CELF2: variants seen among roughly 807,000 people sequenced by gnomAD.
The protein encoded by CELF2 is CUGBP Elav-like family member 2.
In CELF2, 8 loss-of-function variants were observed where a neutral mutation model predicts 62.6. That is an observed-to-expected ratio of 0.13 (90% confidence interval 0.07 to 0.23). The LOEUF is 0.23. CELF2 is among the 10% of genes least tolerant of loss of function. CELF2 has a pLI of 1.00. For synonymous variants in CELF2, 258 were observed against 250.0 expected (o/e 1.03, Z -0.30); for missense variants, 333 against 671.0 (o/e 0.50, Z 5.56).
At chr10:10,730,733 G>A in the CELF2 span, among the ~76,000 whole-genome samples, 1 of 152,128 alleles carries the variant, frequency 6.6e-6, no homozygotes, top group Non-Finnish European at 1.5e-5. Flanking sequence ...TGGATGAGGG[G>A]GACCACATGG....
the CELF2 span, among the ~76,000 whole-genome samples, chr10:10,726,941 G>A: frequency 6.6e-6 from 1 of 152,158 alleles, no homozygotes; most frequent in Admixed American, 6.5e-5. Context: ...GACTCATGGC[G>A]GAAGGCAAAG....
intron 1 of CELF2, among the ~76,000 whole-genome samples, chr10:11,028,026 G>A (rs185086201): frequency 2.6e-5 from 4 of 152,108 alleles, no homozygotes; most frequent in East Asian, 1.9e-4. Context: ...TTTCTTCTTC[G>A]GAACTTTCAT....
At chr10:10,865,592 A>T (rs2060304176) in intron 1 of CELF2, among the ~76,000 whole-genome samples, 1 of 152,202 alleles carries the variant, frequency 6.6e-6, no homozygotes, top group Non-Finnish European at 1.5e-5. Flanking sequence ...ACAGTTCATT[A>T]TACTAAGTAA....
At chr10:10,778,757 T>C in the CELF2 span, among the ~76,000 whole-genome samples, 2 of 152,306 alleles carry the variant, frequency 1.3e-5, no homozygotes, top group East Asian at 3.9e-4. Flanking sequence ...AATTAAGAAC[T>C]CTGAGAATCT....
the CELF2 span, among the ~76,000 whole-genome samples, chr10:10,603,495 T>A: frequency 6.6e-6 from 1 of 152,176 alleles, no homozygotes. Context: ...TGGGAAGCAT[T>A]GCAATCTAAA....
At chr10:11,051,477 A>C (rs1365951361) in intron 1 of CELF2, among the ~76,000 whole-genome samples, 1 of 152,226 alleles carries the variant, frequency 6.6e-6, no homozygotes, top group Non-Finnish European at 1.5e-5. Flanking sequence ...CTGTACCAAC[A>C]ACCTAAACAG....
chr10:10,566,337 T>G, the CELF2 span, among the ~76,000 whole-genome samples: 1 of 151,056 alleles, frequency 6.6e-6, no homozygotes, highest in Admixed American at 6.6e-5. Flanking sequence ...CAGTTGCCAG[T>G]GATTGTGCTG....
rs776110924 is a variant in CELF2, at chr10:11,005,343, G to A, written c.-45G>A. ...CAGCGACTGTGGCATTGATGTTTGA[G>A]CATACTTCTGAACTGGCTTTTGTTG... is the stretch of plus-strand genomic sequence containing the variant. On this transcript the variant is annotated 5_prime_UTR_variant, in exon 1 of 13. Coordinates refer to the CELF2 transcript ENST00000416382. The surrounding 1 kb of genome is among the most constrained non-coding windows in gnomAD (Gnocchi z 4.3). 1.9e-5 allele frequency: 30 copies of A among 1,613,160 alleles called. 1 individual carries two copies. The highest frequency in any genetic ancestry group is 1.6e-4 in the Middle Eastern group (1 of 6,080).
chr10:10,780,732 G>T, the CELF2 span, among the ~76,000 whole-genome samples: 1 of 152,172 alleles, frequency 6.6e-6, no homozygotes, highest in Admixed American at 6.5e-5. Flanking sequence ...ACCTGCTTTG[G>T]CTTCCCAAAG....
chr10:10,692,449 T>A, the CELF2 span, among the ~76,000 whole-genome samples: 1 of 148,176 alleles, frequency 6.7e-6, no homozygotes. Flanking sequence ...GTGTGATGCC[T>A]CCAGCTTTGT....
intron 1 of CELF2, among the ~76,000 whole-genome samples, chr10:11,083,507 A>G (rs927069733): frequency 2.6e-5 from 4 of 152,210 alleles, no homozygotes; most frequent in Admixed American, 2.0e-4. Flanking sequence ...CCTATCAAGG[A>G]TGGAAAATAG....
Position 11,145,340 on chromosome 10 carries a change from G to A in CELF2, c.75-20146G>A, listed in dbSNP as rs1473902884. ...AGCTGGCTGAGCTTCAGATGGGTTTGCAGGAGTGTCAGGATTCAGGAGCGT... is the reference window on the plus strand; with the variant it reads ...AGCTGGCTGAGCTTCAGATGGGTTTACAGGAGTGTCAGGATTCAGGAGCGT... On this transcript the variant is annotated intron_variant, in intron 1 of 12. Transcript: ENST00000633077. The surrounding 1 kb of genome is among the most constrained non-coding windows in gnomAD (Gnocchi z 4.3). Among the ~76,000 whole-genome samples, 1 of 152,210 alleles carries A rather than the reference G, an allele frequency of 6.6e-6. No homozygotes were observed. Among genetic ancestry groups the A allele is most frequent in the African/African-American group, 2.4e-5 (1 of 41,460 alleles).
intron 8 of CELF2, among the ~76,000 whole-genome samples, chr10:11,281,006 G>A (rs1230818748): frequency 6.6e-6 from 1 of 151,220 alleles, no homozygotes; most frequent in Non-Finnish European, 1.5e-5. Flanking sequence ...GTGTGTGTGT[G>A]TGTGTGTGTG....
At chr10:10,769,644 G>T in the CELF2 span, among the ~76,000 whole-genome samples, 1 of 152,002 alleles carries the variant, frequency 6.6e-6, no homozygotes, top group Admixed American at 6.6e-5. Context: ...CATGACTGTA[G>T]TCCCAGATAC....
the CELF2 span, among the ~76,000 whole-genome samples, chr10:10,709,405 T>C: frequency 2.0e-4 from 30 of 152,342 alleles, no homozygotes; most frequent in Non-Finnish European, 3.7e-4. Flanking sequence ...TTTTTGTTGT[T>C]ATTTTTTAAT....
intron 2 of CELF2, among the ~76,000 whole-genome samples, chr10:10,979,733 C>G (rs1014229873): frequency 8.1e-5 from 12 of 148,892 alleles, no homozygotes; most frequent in Non-Finnish European, 1.3e-4. Context: ...TTACAAAGGA[C>G]TTTATCTAAG....
intron 4 of CELF2, among the ~76,000 whole-genome samples, chr10:11,251,468 G>GC (rs930041430): frequency 1.3e-5 from 2 of 151,798 alleles, no homozygotes; most frequent in African/African-American, 4.9e-5. Context: ...ACTGTCATGG[G>GC]CACACCCAAT....
chr10:10,786,037 T>A, the CELF2 span, among the ~76,000 whole-genome samples: 14 of 151,992 alleles, frequency 9.2e-5, no homozygotes, highest in South Asian at 8.3e-4. Flanking sequence ...AAAACTAATT[T>A]AAAAAAAATG....
the CELF2 span, among the ~76,000 whole-genome samples, chr10:10,544,495 T>C: frequency 6.6e-6 from 1 of 152,276 alleles, no homozygotes; most frequent in African/African-American, 2.4e-5. Flanking sequence ...ATAGGTATTA[T>C]ATGTGATATT....
Sources: gnomAD v4.1 joint callset for allele counts (sites outside exome capture counted in the v4.1 genomes callset) on GRCh38, gnomAD v4.1.1 for gene constraint, Gnocchi (gnomAD v3.1) non-coding constraint, MANE v1.5 for transcripts, NCBI Gene and HGNC (gene_info 2026-07-23, HGNC 2026-07-21) for gene names.